The following GPC5 variants were observed in gnomAD, a reference collection of about 807,000 sequenced individuals.
The protein encoded by GPC5 is glypican-5.
Under a neutral mutation model 53.9 loss-of-function variants are expected in GPC5, and 47 were observed. The ratio of observed to expected loss-of-function variants is 0.87; its 90% CI spans 0.69 to 1.11. The LOEUF is 1.11. GPC5 is among the 50% of genes most tolerant of loss of function. GPC5 has a pLI of 0.00. For missense variants in GPC5, 748 were observed against 713.1 expected (o/e 1.05, Z -0.56); for synonymous variants, 286 against 263.3 (o/e 1.09, Z -0.84).
intron 7 of GPC5, among the ~76,000 whole-genome samples, chr13:92,811,652 C>T (rs537912063): frequency 6.6e-6 from 1 of 151,756 alleles, no homozygotes; most frequent in East Asian, 1.9e-4. Context: ...TTTTCTGTGC[C>T]TTTAATGTTA....
At position 92,474,911 on chromosome 13, in the gene GPC5, C is replaced by T. The variant is rs147813380; in HGVS notation, c.1561+329922C>T. Reference sequence around the variant, plus strand: ...CTGCTGAGCTTAGAAGACTAATATACGGTGATTACAGAACAGTTATATTCT... The same window carrying T: ...CTGCTGAGCTTAGAAGACTAATATATGGTGATTACAGAACAGTTATATTCT... On this transcript the variant is annotated intron_variant, in intron 7 of 7. Transcript: ENST00000377067. Among the ~76,000 whole-genome samples the T allele has an allele frequency of 2.9e-4, 44 of 152,122 alleles. No individual in the cohort carries two copies. In the South Asian group the frequency reaches 6.2e-3, roughly 22 times the overall value.
chr13:92,088,015 C>T (rs931370625), intron 6 of GPC5, among the ~76,000 whole-genome samples: 1 of 151,974 alleles, frequency 6.6e-6, no homozygotes, highest in African/African-American at 2.4e-5. Context: ...AGTGATCCTC[C>T]CATCTAGGCC....
intron 7 of GPC5, among the ~76,000 whole-genome samples, chr13:92,692,926 T>C (rs1296148240): frequency 1.3e-5 from 2 of 151,922 alleles, no homozygotes; most frequent in African/African-American, 4.8e-5. Context: ...TACCCAGGTA[T>C]TGAGGGAGAG....
chr13:91,784,233 A>T (rs2037842578), intron 5 of GPC5, among the ~76,000 whole-genome samples: 1 of 152,182 alleles, frequency 6.6e-6, no homozygotes, highest in Non-Finnish European at 1.5e-5. Context: ...AATGTAGTAT[A>T]ATTTTATTTG....
chr13:92,546,674 G>A (rs1056920067), intron 7 of GPC5, among the ~76,000 whole-genome samples: 3 of 152,086 alleles, frequency 2.0e-5, no homozygotes, highest in African/African-American at 4.8e-5. Flanking sequence ...CTACTTTAAA[G>A]TTCATATGGA....
intron 7 of GPC5, chr13:92,447,466 G>A (rs1357656259): frequency 6.6e-6 from 1 of 151,826 alleles, no homozygotes; most frequent in African/African-American, 2.4e-5. Context: ...ACCACAATAA[G>A]AATAGAAGCT....
intron 6 of GPC5, among the ~76,000 whole-genome samples, chr13:92,084,122 G>A (rs548705818): frequency 6.6e-4 from 101 of 152,234 alleles, no homozygotes; most frequent in Admixed American, 1.4e-3. Flanking sequence ...GGACCTATCC[G>A]GTGGGCTGGA....
intron 5 of GPC5, among the ~76,000 whole-genome samples, chr13:91,886,491 T>C (rs1361948615): frequency 1.3e-5 from 2 of 152,268 alleles, no homozygotes; most frequent in East Asian, 1.9e-4. Flanking sequence ...TCCCCCAAAG[T>C]CTTAACTCAT....
intron 6 of GPC5, among the ~76,000 whole-genome samples, chr13:92,037,041 AT>A (rs1456657260): frequency 3.4e-4 from 52 of 152,308 alleles, no homozygotes; most frequent in South Asian, 1.0e-3. Flanking sequence ...AATTCATGCC[AT>A]TTATTTGCTC....
At chr13:92,442,661 T>C (rs1877622239) in intron 7 of GPC5, among the ~76,000 whole-genome samples, 1 of 152,150 alleles carries the variant, frequency 6.6e-6, no homozygotes, top group African/African-American at 2.4e-5. Flanking sequence ...AAGTGAATAT[T>C]GTCTCCTGGT....
chr13:92,471,951 A>G (rs1328875078), intron 7 of GPC5, among the ~76,000 whole-genome samples: 2 of 152,148 alleles, frequency 1.3e-5, no homozygotes, highest in African/African-American at 4.8e-5. Context: ...AAATATTTTG[A>G]CAGCACATCT....
At chr13:91,497,913 CA>C (rs1388000628) in intron 2 of GPC5, among the ~76,000 whole-genome samples, 12 of 152,086 alleles carry the variant, frequency 7.9e-5, no homozygotes, top group African/African-American at 2.7e-4. Context: ...GGGTATCCAT[CA>C]CCTCAAGAAT....
chr13:92,596,665 G>T (rs1231443045), intron 7 of GPC5, among the ~76,000 whole-genome samples: 1 of 151,986 alleles, frequency 6.6e-6, no homozygotes, highest in Non-Finnish European at 1.5e-5. Flanking sequence ...GTGGAGATGG[G>T]GTTTCAACAT....
At chr13:92,079,414 C>A (rs1431484291) in intron 6 of GPC5, among the ~76,000 whole-genome samples, 3 of 152,188 alleles carry the variant, frequency 2.0e-5, no homozygotes, top group Admixed American at 6.5e-5. Context: ...CTTCTAAAAT[C>A]TTTACTTCCA....
chr13:92,699,318 TTTC>T (rs1253061815), intron 7 of GPC5, among the ~76,000 whole-genome samples: 3 of 152,218 alleles, frequency 2.0e-5, no homozygotes, highest in African/African-American at 4.8e-5. Flanking sequence ...TCTTCTATCT[TTTC>T]TTCTTTATAA....
chr13:92,164,663 T>A (rs1235258774), intron 7 of GPC5, among the ~76,000 whole-genome samples: 2 of 152,062 alleles, frequency 1.3e-5, no homozygotes, highest in African/African-American at 4.8e-5. Context: ...CATTCTGGGG[T>A]CTGGAGGATG....
At chr13:92,069,407 C>CAT (rs1491518885) in intron 6 of GPC5, among the ~76,000 whole-genome samples, 2 of 110,580 alleles carry the variant, frequency 1.8e-5, no homozygotes, top group East Asian at 2.3e-4. Context: ...TGTGTGCGTG[C>CAT]ATGTGTGTGT....
At chr13:92,547,819 CT>C (rs567478017) in intron 7 of GPC5, among the ~76,000 whole-genome samples, 107 of 100,432 alleles carry the variant, frequency 1.1e-3, no homozygotes, top group East Asian at 9.6e-3. Flanking sequence ...GCCTATTATT[CT>C]TTTTTTTTTT....
intron 7 of GPC5, among the ~76,000 whole-genome samples, chr13:92,405,070 T>G (rs1263858036): frequency 6.6e-6 from 1 of 150,396 alleles, no homozygotes; most frequent in Non-Finnish European, 1.5e-5. Flanking sequence ...CTTCTAAAAT[T>G]AAACATTGAA....
Sources: allele counts gnomAD v4.1 joint callset (sites outside exome capture counted in the v4.1 genomes callset), GRCh38; gene constraint gnomAD v4.1.1; transcripts MANE v1.5; gene names NCBI Gene and HGNC (gene_info 2026-07-23, HGNC 2026-07-21).